CEP128: variants seen among roughly 807,000 people sequenced by gnomAD.
CEP128 encodes centrosomal protein 128, also known as centrosomal protein 128kDa.
A neutral mutation model predicts 156.7 loss-of-function variants in CEP128; 132 were observed. The observed-to-expected ratio is 0.84, with a 90% CI of 0.73 to 0.97. CEP128 has a LOEUF of 0.97. Among genes scored for constraint, CEP128 ranks in the 50% least tolerant of loss-of-function variants. The pLI is 0.00. For synonymous variants in CEP128, 469 were observed against 448.9 expected (o/e 1.04, Z -0.57); for missense variants, 1,252 against 1,281.9 (o/e 0.98, Z 0.36).
At chr14:80,731,233 C>T (rs1315586947) in intron 19 of CEP128, among the ~76,000 whole-genome samples, 2 of 152,140 alleles carry the variant, frequency 1.3e-5, no homozygotes, top group Non-Finnish European at 2.9e-5. Context: ...TTTTGATATG[C>T]TATATAGCAG....
intron 21 of CEP128, among the ~76,000 whole-genome samples, chr14:80,555,961 T>C (rs1240009553): frequency 6.6e-6 from 1 of 152,156 alleles, no homozygotes; most frequent in East Asian, 1.9e-4. Flanking sequence ...TTTACTCAAA[T>C]AGAGTACAAA....
At chr14:80,493,411 GAT>G, downstream of CEP128, among the ~76,000 whole-genome samples, 1 of 152,284 alleles carries the variant, frequency 6.6e-6, no homozygotes, top group South Asian at 2.1e-4. Context: ...GCCATCAGAT[GAT>G]ATATTGTTTC....
At chr14:80,869,865 G>GA (rs1887942479) in intron 8 of CEP128, among the ~76,000 whole-genome samples, 1 of 150,942 alleles carries the variant, frequency 6.6e-6, no homozygotes, top group Non-Finnish European at 1.5e-5. Context: ...ACTGAATAAG[G>GA]AAAAAAAGAG....
intron 11 of CEP128, 130 bp from the exon 12 acceptor site, chr14:80,836,467 C>T: frequency 2.2e-6 from 2 of 910,974 alleles, no homozygotes; most frequent in South Asian, 1.7e-5. Flanking sequence ...GTTTCCTGCT[C>T]CATTTCCTCA....
intron 19 of CEP128, among the ~76,000 whole-genome samples, chr14:80,656,294 TATATA>T (rs1566837854): frequency 0.021 from 60 of 2,854 alleles, 4 homozygotes; most frequent in African/African-American, 0.066. Flanking sequence ...TATATATTTA[TATATA>T]TATATATATA....
At chr14:80,524,374 T>C (rs1256670905) in intron 23 of CEP128, among the ~76,000 whole-genome samples, 1 of 152,184 alleles carries the variant, frequency 6.6e-6, no homozygotes, top group Non-Finnish European at 1.5e-5. Flanking sequence ...CTGAAACTGA[T>C]GGAGTAAGGG....
intron 13 of CEP128, among the ~76,000 whole-genome samples, chr14:80,793,601 A>G (rs1901832005): frequency 6.6e-6 from 1 of 152,230 alleles, no homozygotes; most frequent in African/African-American, 2.4e-5. Flanking sequence ...TAGATAACAT[A>G]TTAGGTTCCC....
intron 2 of CEP128, among the ~76,000 whole-genome samples, chr14:80,925,994 A>C (rs1319944069): frequency 1.3e-5 from 2 of 152,188 alleles, no homozygotes; most frequent in African/African-American, 4.8e-5. Flanking sequence ...GCAGGGACAG[A>C]GGGAAGCCAT....
chr14:80,863,585 T>C (rs932878113), intron 8 of CEP128, among the ~76,000 whole-genome samples: 3 of 152,218 alleles, frequency 2.0e-5, no homozygotes, highest in East Asian at 1.9e-4. Context: ...TATTTCATTA[T>C]ACAGCCCACT....
chr14:80,705,172 T>C (rs1280252854), intron 19 of CEP128, among the ~76,000 whole-genome samples: 1 of 152,144 alleles, frequency 6.6e-6, no homozygotes, highest in Non-Finnish European at 1.5e-5. Flanking sequence ...TTTTTAAAGT[T>C]TGTCTGTTTG....
At chr14:80,595,116 C>T (rs1349007826) in intron 19 of CEP128, among the ~76,000 whole-genome samples, 2 of 152,178 alleles carry the variant, frequency 1.3e-5, no homozygotes, top group Admixed American at 6.5e-5. Flanking sequence ...AAATGTGGCA[C>T]ATACACACAT....
At chr14:80,673,803 T>C (rs1033082144) in intron 19 of CEP128, among the ~76,000 whole-genome samples, 13 of 151,898 alleles carry the variant, frequency 8.6e-5, no homozygotes, top group Non-Finnish European at 1.9e-4. Flanking sequence ...TCTCTTTTTT[T>C]TTTAGCATCA....
intron 19 of CEP128, among the ~76,000 whole-genome samples, chr14:80,702,356 A>G (rs1276552263): frequency 6.6e-6 from 1 of 152,308 alleles, no homozygotes; most frequent in Non-Finnish European, 1.5e-5. Context: ...TTCCCTATAC[A>G]TCCATTTGCC....
intron 24 of CEP128, among the ~76,000 whole-genome samples, chr14:80,501,397 C>T (rs1299445087): frequency 6.6e-6 from 1 of 152,090 alleles, no homozygotes; most frequent in East Asian, 1.9e-4. Flanking sequence ...TCAATGACTT[C>T]AGAGAGAGAA....
intron 9 of CEP128, among the ~76,000 whole-genome samples, chr14:80,846,674 T>C (rs977677446): frequency 3.9e-5 from 6 of 152,174 alleles, no homozygotes; most frequent in African/African-American, 1.4e-4. Flanking sequence ...AAGCATTTAA[T>C]AATTAATAGC....
At chr14:80,490,426 T>G (rs942173007), downstream of CEP128, 1 of 152,216 alleles carries the variant, frequency 6.6e-6, no homozygotes, top group Non-Finnish European at 1.5e-5. Flanking sequence ...CAAATCAGGT[T>G]GCTCTGAAGT....
intron 20 of CEP128, among the ~76,000 whole-genome samples, chr14:80,575,876 T>C (rs928355715): frequency 1.3e-5 from 2 of 152,198 alleles, no homozygotes; most frequent in African/African-American, 4.8e-5. Flanking sequence ...TTAACTCATT[T>C]CAAATAAAAT....
intron 23 of CEP128, among the ~76,000 whole-genome samples, chr14:80,519,453 G>C (rs1005954878): frequency 3.9e-5 from 6 of 152,124 alleles, no homozygotes; most frequent in African/African-American, 1.4e-4. Flanking sequence ...ATTTTAATTT[G>C]TCCAGCCCTT....
At chr14:80,544,389 G>A (rs1443711413) in intron 21 of CEP128, among the ~76,000 whole-genome samples, 1 of 152,168 alleles carries the variant, frequency 6.6e-6, no homozygotes, top group Non-Finnish European at 1.5e-5. Flanking sequence ...CAAGGCTCCA[G>A]CAGATCTTGT....
Sources: gnomAD v4.1 joint callset for allele counts (sites outside exome capture counted in the v4.1 genomes callset) on GRCh38, gnomAD v4.1.1 for gene constraint, MANE v1.5 for transcripts, NCBI Gene and HGNC (gene_info 2026-07-23, HGNC 2026-07-21) for gene names.